The following MRAP2 variants were observed in gnomAD, a reference collection of about 807,000 sequenced individuals.
MRAP2 encodes melanocortin-2 receptor accessory protein 2.
A neutral mutation model predicts 17.4 loss-of-function variants in MRAP2; 20 were observed. That is an observed-to-expected ratio of 1.15 (90% CI 0.81 to 1.67). The LOEUF (loss-of-function observed/expected upper bound fraction) is 1.67, where lower values mean the gene tolerates loss of function less well. MRAP2 is among the 40% of genes most tolerant of loss of function. The pLI, the probability that MRAP2 is intolerant of heterozygous loss-of-function variation, is 0.00. For missense variants in MRAP2, 238 were observed against 240.0 expected (o/e 0.99, Z 0.05); for synonymous variants, 96 against 88.4 (o/e 1.09, Z -0.48).
the MRAP2 span, among the ~76,000 whole-genome samples, chr6:84,100,575 T>A: frequency 6.6e-6 from 1 of 152,094 alleles, no homozygotes; most frequent in East Asian, 1.9e-4. Context: ...CCAGAATCAG[T>A]TTTTAAATTC....
At chr6:84,116,957 CCTTCCCTTCTTCCCTTTT>C in the MRAP2 span, among the ~76,000 whole-genome samples, 1 of 151,696 alleles carries the variant, frequency 6.6e-6, no homozygotes, top group African/African-American at 2.4e-5. Context: ...CCTTCCCTTC[CCTTCCCTTCTTCCCTTTT>C]CTTCCCTTCT....
the MRAP2 span, among the ~76,000 whole-genome samples, chr6:84,141,765 G>A: frequency 1.3e-5 from 2 of 152,104 alleles, no homozygotes; most frequent in African/African-American, 4.8e-5. Context: ...TGGCTTTGCT[G>A]TACCTACACT....
chr6:84,113,959 T>C, the MRAP2 span, among the ~76,000 whole-genome samples: 1 of 152,252 alleles, frequency 6.6e-6, no homozygotes, highest in African/African-American at 2.4e-5. Context: ...GTTAGTCTGA[T>C]GGGTTTCCCT....
the MRAP2 span, among the ~76,000 whole-genome samples, chr6:84,105,763 T>A: frequency 2.0e-5 from 3 of 152,138 alleles, no homozygotes; most frequent in Non-Finnish European, 4.4e-5. Context: ...CTCAGAGGCA[T>A]GAGGAGCCCA....
At chr6:84,074,439 G>A (rs923865314) in intron 3 of MRAP2, among the ~76,000 whole-genome samples, 2 of 152,204 alleles carry the variant, frequency 1.3e-5, no homozygotes, top group African/African-American at 4.8e-5. Context: ...ACCTGAGTAA[G>A]TCTGCAAGCT....
chr6:84,110,234 C>A, the MRAP2 span, among the ~76,000 whole-genome samples: 1 of 152,220 alleles, frequency 6.6e-6, no homozygotes, highest in African/African-American at 2.4e-5. Flanking sequence ...TATTTCTCCA[C>A]ATCTTCTCCA....
chr6:84,036,832 C>T (rs1156960387), intron 1 of MRAP2, among the ~76,000 whole-genome samples: 2 of 152,216 alleles, frequency 1.3e-5, no homozygotes, highest in African/African-American at 4.8e-5. Flanking sequence ...CATTTACAAT[C>T]CCTGAGCTAG....
chr6:84,063,213 G>C, intron 3 of MRAP2: 1 of 985,346 alleles, frequency 1.0e-6, no homozygotes, highest in Non-Finnish European at 1.2e-6. Flanking sequence ...TTATGAAATT[G>C]GGTTTCTTGG....
the MRAP2 span, among the ~76,000 whole-genome samples, chr6:84,145,006 T>TC: frequency 6.6e-6 from 1 of 152,138 alleles, no homozygotes; most frequent in Non-Finnish European, 1.5e-5. Flanking sequence ...AGTTATACTA[T>TC]CAAGGCTTTG....
downstream of MRAP2, among the ~76,000 whole-genome samples, chr6:84,092,243 CT>C (rs1051866107): frequency 6.6e-6 from 1 of 152,142 alleles, no homozygotes; most frequent in Non-Finnish European, 1.5e-5. Context: ...AAGTGTGTGC[CT>C]TTTGCCACAT....
the MRAP2 span, chr6:84,125,071 T>C: frequency 1.2e-6 from 2 of 1,609,518 alleles, no homozygotes; most frequent in Non-Finnish European, 1.7e-6. Context: ...GAATTTCTAT[T>C]AATACTCTGG....
downstream of MRAP2, among the ~76,000 whole-genome samples, chr6:84,093,414 A>G (rs1231353839): frequency 6.6e-6 from 1 of 152,066 alleles, no homozygotes; most frequent in Non-Finnish European, 1.5e-5. Flanking sequence ...ATTTGCTCCC[A>G]CAGGACCCTA....
the MRAP2 span, among the ~76,000 whole-genome samples, chr6:84,119,684 T>A: frequency 6.6e-5 from 10 of 152,180 alleles, no homozygotes; most frequent in Non-Finnish European, 1.5e-4. Flanking sequence ...ATACACAGAA[T>A]CACTAAATTA....
the MRAP2 span, among the ~76,000 whole-genome samples, chr6:84,104,147 G>T: frequency 6.6e-6 from 1 of 152,142 alleles, no homozygotes; most frequent in African/African-American, 2.4e-5. Flanking sequence ...CTGTGCCAAG[G>T]CTTGGGGCTT....
chr6:84,124,896 T>G, the MRAP2 span: 1 of 623,816 alleles, frequency 1.6e-6, no homozygotes, highest in Non-Finnish European at 2.8e-6. Context: ...AAATACACCA[T>G]TATATGTTTT....
chr6:84,034,857 C>T (rs1245333954), intron 1 of MRAP2, among the ~76,000 whole-genome samples: 1 of 151,952 alleles, frequency 6.6e-6, no homozygotes, highest in South Asian at 2.1e-4. Context: ...AGGTGACTGC[C>T]CCAGTTAAGT....
the MRAP2 span, among the ~76,000 whole-genome samples, chr6:84,109,369 T>G: frequency 6.6e-6 from 1 of 152,180 alleles, no homozygotes. Context: ...TTTATAGTTT[T>G]CCTTGAAGAG....
chr6:84,045,815 G>T (rs1001721906), intron 1 of MRAP2, among the ~76,000 whole-genome samples: 1 of 151,978 alleles, frequency 6.6e-6, no homozygotes, highest in Non-Finnish European at 1.5e-5. Context: ...TCACATGTGT[G>T]CTTTCACATG....
chr6:84,085,448 C>A (rs1588661744), intron 3 of MRAP2, among the ~76,000 whole-genome samples: 1 of 152,148 alleles, frequency 6.6e-6, no homozygotes, highest in Non-Finnish European at 1.5e-5. Flanking sequence ...AAAGAAAATT[C>A]TTTAAATCTT....
Sources: allele counts gnomAD v4.1 joint callset (sites outside exome capture counted in the v4.1 genomes callset), GRCh38; gene constraint gnomAD v4.1.1; transcripts MANE v1.5; gene names NCBI Gene and HGNC (gene_info 2026-07-23, HGNC 2026-07-21).